YY1: variants seen among roughly 807,000 people sequenced by gnomAD.
YY1 encodes the protein transcriptional repressor protein YY1.
Under a neutral mutation model 35.6 loss-of-function variants are expected in YY1, and 2 were observed. That is an observed-to-expected ratio of 0.06 (90% CI 0.02 to 0.18). The LOEUF (loss-of-function observed/expected upper bound fraction) is 0.18. Among genes scored for constraint, YY1 ranks in the 10% least tolerant of loss-of-function variants. YY1 has a pLI of 1.00. For missense variants in YY1, 322 were observed against 573.4 expected (o/e 0.56, Z 4.48); for synonymous variants, 268 against 238.9 (o/e 1.12, Z -1.12).
intron 2 of YY1, among the ~76,000 whole-genome samples, chr14:100,266,980 A>G (rs888278314): frequency 1.3e-5 from 2 of 152,220 alleles, no homozygotes; most frequent in African/African-American, 4.8e-5. Context: ...CCAAGAGGAC[A>G]GCTGTGTAGC....
intron 1 of YY1, among the ~76,000 whole-genome samples, chr14:100,254,759 T>TTTTA (rs1478476214): frequency 2.5e-4 from 36 of 141,874 alleles, no homozygotes; most frequent in African/African-American, 5.2e-4. Flanking sequence ...GCCTAGCCTA[T>TTTTA]TTTATTTATT....
At chr14:100,248,431 T>A (rs942329303) in intron 1 of YY1, among the ~76,000 whole-genome samples, 1 of 152,034 alleles carries the variant, frequency 6.6e-6, no homozygotes, top group African/African-American at 2.4e-5. Context: ...CTACTCAATT[T>A]CTTAAAGCAA....
chr14:100,260,760 C>T (rs1442823936), intron 1 of YY1, among the ~76,000 whole-genome samples: 17 of 129,412 alleles, frequency 1.3e-4, no homozygotes, highest in African/African-American at 4.3e-4. Flanking sequence ...TGTGAGCCAC[C>T]GTGCCTGGTC....
chr14:100,270,949 T>TAA (rs902280734), intron 2 of YY1, among the ~76,000 whole-genome samples: 2 of 145,534 alleles, frequency 1.4e-5, no homozygotes, highest in African/African-American at 2.5e-5. Context: ...CATTAAAACT[T>TAA]AAAAAAAAAA....
chr14:100,270,262 CAAAAAAAAAAAAAAAAA>C (rs55649674), intron 2 of YY1, among the ~76,000 whole-genome samples: 1 of 43,522 alleles, frequency 2.3e-5, no homozygotes, highest in Non-Finnish European at 3.8e-5. Context: ...GACTCTGTCT[CAAAAAAAAAAAAAAAAA>C]AAAAAAAAAA....
chr14:100,272,954 G>GTTT (rs1555370707), intron 2 of YY1, among the ~76,000 whole-genome samples: 2 of 141,202 alleles, frequency 1.4e-5, no homozygotes, highest in Non-Finnish European at 3.1e-5. Context: ...GTTTTTTGTT[G>GTTT]TTTTTTTTTT....
chr14:100,251,679 T>C (rs1005644872), intron 1 of YY1, among the ~76,000 whole-genome samples: 7 of 152,192 alleles, frequency 4.6e-5, no homozygotes, highest in Non-Finnish European at 7.3e-5. Context: ...TTCCCAGACA[T>C]GATGATTGGC....
intron 1 of YY1, among the ~76,000 whole-genome samples, chr14:100,241,506 C>G (rs1383386072): frequency 6.6e-6 from 1 of 152,110 alleles, no homozygotes; most frequent in Non-Finnish European, 1.5e-5. Context: ...TAGGAAGGTG[C>G]TAACAGGCGC....
Position 100,277,818 on chromosome 14 carries a change from G to A in YY1, c.*218G>A, listed in dbSNP as rs1891345510. The A allele has an allele frequency of 8.9e-6, 5 of 563,892 alleles. No individual in the cohort carries two copies. The highest frequency in any genetic ancestry group is 4.5e-5 in the South Asian group (2 of 44,688). The allele number at this position is 563,892 out of a possible 1,614,324, so 34.9% of individuals were successfully genotyped here. Reference sequence around the variant, plus strand: ...ATGCTCTATCTTGCTCTGTAATCTCGTTTCAAAAACACAGTGTTTTTGTAA... The same window carrying A: ...ATGCTCTATCTTGCTCTGTAATCTCATTTCAAAAACACAGTGTTTTTGTAA... On this transcript the variant is annotated 3_prime_UTR_variant, in exon 5 of 5. Coordinates refer to ENST00000262238, the MANE Select transcript of YY1 (RefSeq NM_003403.5). This position sits in a 1 kb window ranked among gnomAD's most constrained non-coding sequence, Gnocchi z 5.6.
chr14:100,269,194 G>A (rs566048666), intron 2 of YY1, among the ~76,000 whole-genome samples: 122 of 152,248 alleles, frequency 8.0e-4, no homozygotes, highest in African/African-American at 2.9e-3. Flanking sequence ...TTATCGAAGG[G>A]TGGTTAAGAA....
At chr14:100,245,476 C>T (rs927396010) in intron 1 of YY1, among the ~76,000 whole-genome samples, 1 of 152,094 alleles carries the variant, frequency 6.6e-6, no homozygotes, top group African/African-American at 2.4e-5. Context: ...GCTTTAATGC[C>T]AGTGTTTACT....
intron 1 of YY1, among the ~76,000 whole-genome samples, chr14:100,261,346 G>A (rs771495389): frequency 5.3e-5 from 8 of 151,928 alleles, no homozygotes; most frequent in Non-Finnish European, 8.8e-5. Context: ...GCACCACCAT[G>A]CCTGGCTAAT....
intron 2 of YY1, among the ~76,000 whole-genome samples, chr14:100,269,609 A>G (rs1010469451): frequency 6.6e-6 from 1 of 152,180 alleles, no homozygotes; most frequent in African/African-American, 2.4e-5. Flanking sequence ...ACCTAAGTAT[A>G]TTTTTGAAAA....
At position 100,253,542 on chromosome 14, in the gene YY1, C is replaced by T. The variant is rs139054357; in HGVS notation, c.680-8762C>T. 6.1e-4 allele frequency among the ~76,000 whole-genome samples: 93 copies of T among 152,212 alleles called. 2 individuals carry two copies. Among genetic ancestry groups the T allele is most frequent in the African/African-American group, 1.7e-3 (72 of 41,538 alleles). On this transcript the variant is annotated intron_variant, in intron 1 of 4. Transcript: ENST00000262238. ...AAGCTATTCTCCCACCTCAGCCACCCGAATAGCAGGGATTACAGGTATGTG... is the reference window on the plus strand; with the variant it reads ...AAGCTATTCTCCCACCTCAGCCACCTGAATAGCAGGGATTACAGGTATGTG...
intron 1 of YY1, among the ~76,000 whole-genome samples, chr14:100,255,595 G>C (rs575683908): frequency 6.6e-6 from 1 of 152,138 alleles, no homozygotes; most frequent in African/African-American, 2.4e-5. Context: ...CTCCAACCTG[G>C]GGGGGACAGA....
intron 1 of YY1, among the ~76,000 whole-genome samples, chr14:100,256,901 G>A (rs2139583358): frequency 6.6e-6 from 1 of 151,912 alleles, no homozygotes; most frequent in East Asian, 1.9e-4. Context: ...AAATATAGAG[G>A]TTGGATTTGG....
intron 1 of YY1, among the ~76,000 whole-genome samples, chr14:100,248,102 G>A (rs900647340): frequency 2.2e-5 from 3 of 134,768 alleles, no homozygotes; most frequent in Non-Finnish European, 4.8e-5. Flanking sequence ...GCACCACCAC[G>A]CCCGGCTAAT....
chr14:100,264,791 A>G lies in YY1; in HGVS notation c.842+2325A>G, dbSNP rs1026300676. On this transcript the variant is annotated intron_variant, in intron 2 of 4. Coordinates refer to ENST00000262238, the MANE Select transcript of YY1 (RefSeq NM_003403.5). ...CCTGAGTTAGAATTGTGGCAGTCAGATAACAAAGGAATAAATGTGATAGAA... is the reference window on the plus strand; with the variant it reads ...CCTGAGTTAGAATTGTGGCAGTCAGGTAACAAAGGAATAAATGTGATAGAA... Among the ~76,000 whole-genome samples, 3 of 152,208 alleles carry G rather than the reference A, an allele frequency of 2.0e-5. No homozygotes were observed. The South Asian group carries it at 6.2e-4, about 31-fold the overall frequency.
chr14:100,243,846 C>T (rs1890787489), intron 1 of YY1, among the ~76,000 whole-genome samples: 1 of 151,930 alleles, frequency 6.6e-6, no homozygotes, highest in African/African-American at 2.4e-5. Context: ...TGGCTGACGC[C>T]TGTAATCCCA....
Sources: allele counts gnomAD v4.1 joint callset (sites outside exome capture counted in the v4.1 genomes callset), GRCh38; gene constraint gnomAD v4.1.1; non-coding constraint Gnocchi (gnomAD v3.1); transcripts MANE v1.5; gene names NCBI Gene and HGNC (gene_info 2026-07-23, HGNC 2026-07-21).